RBMS1: variants seen among roughly 807,000 people sequenced by gnomAD.
RBMS1 encodes RNA-binding motif, single-stranded-interacting protein 1.
RBMS1 carries 17 observed loss-of-function variants against 62.3 expected under a neutral mutation model. The ratio of observed to expected loss-of-function variants is 0.27; its 90% CI spans 0.19 to 0.41. The LOEUF is 0.41. Ranked by LOEUF, RBMS1 falls within the 10% of genes least tolerant of loss-of-function variation. The pLI, the probability that RBMS1 is intolerant of heterozygous loss-of-function variation, is 1.00. For synonymous variants in RBMS1, 172 were observed against 170.0 expected (o/e 1.01, Z -0.09); for missense variants, 334 against 504.5 (o/e 0.66, Z 3.24).
At chr2:160,448,555 C>T (rs1157816649) in intron 1 of RBMS1, among the ~76,000 whole-genome samples, 1 of 152,248 alleles carries the variant, frequency 6.6e-6, no homozygotes, top group Non-Finnish European at 1.5e-5. Context: ...CTCGGCCTCC[C>T]GAGGTGCCAG....
chr2:160,485,827 C>T (rs917396466), intron 1 of RBMS1, among the ~76,000 whole-genome samples: 2 of 151,854 alleles, frequency 1.3e-5, no homozygotes, highest in Admixed American at 1.3e-4. Context: ...ATTTTAGAAA[C>T]AATGAAATTA....
At chr2:160,311,236 A>ATATC (rs1303110202) in intron 4 of RBMS1, among the ~76,000 whole-genome samples, 60 of 60,696 alleles carry the variant, frequency 9.9e-4, no homozygotes, top group Non-Finnish European at 1.7e-3. Flanking sequence ...ATCTATCTAT[A>ATATC]TATATATATA....
intron 1 of RBMS1, among the ~76,000 whole-genome samples, chr2:160,490,317 A>C (rs529050923): frequency 1.3e-5 from 2 of 150,694 alleles, no homozygotes; most frequent in Admixed American, 6.6e-5. Flanking sequence ...AAAAAAAAAA[A>C]ACAAAAAACC....
chr2:160,387,786 A>AGG (rs1221070093), intron 1 of RBMS1, among the ~76,000 whole-genome samples: 1 of 151,986 alleles, frequency 6.6e-6, no homozygotes, highest in African/African-American at 2.4e-5. Context: ...CTGCCACCCC[A>AGG]TCAGGCAGTT....
chr2:160,419,484 C>G (rs1696332463), intron 1 of RBMS1, among the ~76,000 whole-genome samples: 1 of 152,158 alleles, frequency 6.6e-6, no homozygotes, highest in Non-Finnish European at 1.5e-5. Context: ...AGTTCAAAAT[C>G]ATATCATTCG....
chr2:160,444,162 G>A (rs571712552), intron 1 of RBMS1, among the ~76,000 whole-genome samples: 1 of 152,272 alleles, frequency 6.6e-6, no homozygotes, highest in African/African-American at 2.4e-5. Context: ...GCGTATAAGA[G>A]TTAAGTGGGA....
At chr2:160,317,563 C>T (rs1026462622) in intron 3 of RBMS1, among the ~76,000 whole-genome samples, 3 of 152,152 alleles carry the variant, frequency 2.0e-5, no homozygotes, top group Non-Finnish European at 4.4e-5. Flanking sequence ...ACATGGAAAA[C>T]TGAAGGTCAG....
chr2:160,471,498 G>A (rs1036358802), intron 1 of RBMS1, among the ~76,000 whole-genome samples: 5 of 151,298 alleles, frequency 3.3e-5, no homozygotes, highest in African/African-American at 1.2e-4. Context: ...AGGAATAGAG[G>A]AAAATGTTTG....
chr2:160,401,936 T>C (rs886161745), intron 1 of RBMS1: 1 of 152,146 alleles, frequency 6.6e-6, no homozygotes, highest in Non-Finnish European at 1.5e-5. Flanking sequence ...AAAATGTGGT[T>C]GAGAATTTCA....
At chr2:160,330,821 C>T (rs1691227465) in intron 2 of RBMS1, among the ~76,000 whole-genome samples, 1 of 152,230 alleles carries the variant, frequency 6.6e-6, no homozygotes, top group South Asian at 2.1e-4. Flanking sequence ...AAGTCCTATG[C>T]CCCAAGACCT....
At chr2:160,278,050 A>G (rs1687925590) in intron 11 of RBMS1, 1 of 164,708 alleles carries the variant, frequency 6.1e-6, no homozygotes, top group Admixed American at 6.0e-5. Context: ...CTTACCAGCA[A>G]AATGCTAAGC....
intron 1 of RBMS1, among the ~76,000 whole-genome samples, chr2:160,478,392 T>A (rs534129670): frequency 5.9e-5 from 9 of 152,276 alleles, no homozygotes; most frequent in Admixed American, 2.0e-4. Context: ...AATCATACAA[T>A]CCTAAGAAGT....
chr2:160,348,241 G>T (rs182693323), intron 2 of RBMS1, among the ~76,000 whole-genome samples: 1 of 152,122 alleles, frequency 6.6e-6, no homozygotes, highest in African/African-American at 2.4e-5. Context: ...TATTTTAAAG[G>T]TGTCTCATTC....
At chr2:160,351,189 G>T (rs1220321561) in intron 2 of RBMS1, among the ~76,000 whole-genome samples, 1 of 150,998 alleles carries the variant, frequency 6.6e-6, no homozygotes, top group African/African-American at 2.4e-5. Context: ...GGTAGGGGGA[G>T]GGGGGAGGGA....
At chr2:160,292,754 T>C (rs1688746772) in intron 6 of RBMS1, among the ~76,000 whole-genome samples, 9 of 152,224 alleles carry the variant, frequency 5.9e-5, no homozygotes, top group Admixed American at 5.9e-4. Flanking sequence ...GGCTGTAGGC[T>C]GGGTGTGATC....
At position 160,349,175 on chromosome 2, in the gene RBMS1, T is replaced by C. The variant is rs2106003226; in HGVS notation, c.251+18041A>G. On this transcript the variant is annotated intron_variant, in intron 2 of 13. Transcript: ENST00000348849. ...CAGTAGGAAAGAGTATTCTCATCTA[T>C]TTATTAGCAATTCTGCCAGGAGAGA... is the stretch of plus-strand genomic sequence containing the variant. 2.0e-5 allele frequency among the ~76,000 whole-genome samples: 3 copies of C among 152,202 alleles called. No individual in the cohort carries two copies. In the Middle Eastern group the frequency reaches 0.01, roughly 518 times the overall value.
intron 1 of RBMS1, among the ~76,000 whole-genome samples, chr2:160,405,046 TA>T (rs1695628663): frequency 6.6e-6 from 1 of 152,174 alleles, no homozygotes; most frequent in South Asian, 2.1e-4. Context: ...TTCTTAATTG[TA>T]AAATGGATAT....
intron 2 of RBMS1, among the ~76,000 whole-genome samples, chr2:160,325,785 C>T (rs1690888686): frequency 6.6e-6 from 1 of 152,082 alleles, no homozygotes; most frequent in African/African-American, 2.4e-5. Context: ...GTTATATTTC[C>T]TTTATTTACT....
At chr2:160,456,530 A>G (rs973779402) in intron 1 of RBMS1, among the ~76,000 whole-genome samples, 1 of 152,204 alleles carries the variant, frequency 6.6e-6, no homozygotes, top group Admixed American at 6.5e-5. Flanking sequence ...CTTCTCTTCT[A>G]AACACAATAC....
Sources: gnomAD v4.1 joint callset for allele counts (sites outside exome capture counted in the v4.1 genomes callset) on GRCh38, gnomAD v4.1.1 for gene constraint, MANE v1.5 for transcripts, NCBI Gene and HGNC (gene_info 2026-07-23, HGNC 2026-07-21) for gene names.